Variants in RNF38 observed in about 807,000 individuals in gnomAD.
RNF38 encodes the protein E3 ubiquitin-protein ligase RNF38.
A neutral mutation model predicts 67.2 loss-of-function variants in RNF38; 15 were observed. The observed-to-expected ratio is 0.22, with a 90% CI of 0.15 to 0.34. RNF38 has a LOEUF of 0.34. Ranked by LOEUF, RNF38 falls within the 10% of genes least tolerant of loss-of-function variation. The pLI is 1.00. For missense variants in RNF38, 524 were observed against 639.9 expected (o/e 0.82, Z 1.95); for synonymous variants, 220 against 218.8 (o/e 1.01, Z -0.05).
At chr9:36,368,886 CT>C (rs397735166) in intron 4 of RNF38, among the ~76,000 whole-genome samples, 132 of 145,596 alleles carry the variant, frequency 9.1e-4, no homozygotes, top group Middle Eastern at 3.5e-3. Flanking sequence ...AGACACATGT[CT>C]TTTTTTTTTT....
chr9:36,406,618 T>C (rs1009541335), intron 2 of RNF38, among the ~76,000 whole-genome samples: 3 of 152,228 alleles, frequency 2.0e-5, no homozygotes, highest in African/African-American at 7.2e-5. Flanking sequence ...GGTTAGCACA[T>C]ACCATGTGCT....
intron 4 of RNF38, among the ~76,000 whole-genome samples, chr9:36,366,125 C>G (rs1339213997): frequency 1.3e-5 from 2 of 152,106 alleles, no homozygotes; most frequent in East Asian, 3.8e-4. Context: ...GCCAATCCAC[C>G]TGAATATACT....
rs1020447859 is a variant in RNF38, at chr9:36,369,666, A to C, written c.570+53T>G. ...CAAAAAGCCAAAAAAAAAAAATCTC[A>C]AACTGCCACAAAATTTCAGCTTCTG... On this transcript the variant is annotated intron_variant, in intron 4 of 11. Coordinates refer to ENST00000259605, the MANE Select transcript of RNF38 (RefSeq NM_022781.5). 25 of 1,436,914 alleles carry C rather than the reference A, an allele frequency of 1.7e-5. No individual in the cohort carries two copies. The African/African-American group carries it at 3.5e-4, about 20-fold the overall frequency. The allele number at this position is 1,436,914 out of a possible 1,614,324, so 89.0% of individuals were successfully genotyped here. A position where few individuals can be genotyped will look rare whatever the true frequency, so the allele number is the denominator to read the frequency against.
At chr9:36,392,353 G>A (rs1564034716) in intron 1 of RNF38, among the ~76,000 whole-genome samples, 1 of 152,180 alleles carries the variant, frequency 6.6e-6, no homozygotes, top group Non-Finnish European at 1.5e-5. Context: ...AAACATGAAT[G>A]TGCTATCCTT....
At position 36,338,796 on chromosome 9, in the gene RNF38, C is replaced by A. The variant is rs1027787039; in HGVS notation, c.*956G>T. ...ACAGGTACTTTCTGTAAGAAACTTA[C>A]TGGAAATGTAAAGGAAAAAAAAGTA... On this transcript the variant is annotated 3_prime_UTR_variant, in exon 12 of 12. Coordinates refer to ENST00000259605, the MANE Select transcript of RNF38 (RefSeq NM_022781.5). 6.6e-6 allele frequency: 1 copy of A among 152,278 alleles called. No individual in the cohort carries two copies. The highest frequency in any genetic ancestry group is 6.6e-5 in the Admixed American group (1 of 15,236). The allele number at this position is 152,278 out of a possible 1,614,324, so 9.4% of individuals were successfully genotyped here.
chr9:36,471,597 C>T (rs1839999832), intron 1 of RNF38, among the ~76,000 whole-genome samples: 1 of 152,128 alleles, frequency 6.6e-6, no homozygotes, highest in Admixed American at 6.6e-5. Flanking sequence ...CCCAGGAGTT[C>T]CAGGCCAGCC....
chr9:36,475,703 G>C (rs963884067), intron 1 of RNF38, among the ~76,000 whole-genome samples: 12 of 150,640 alleles, frequency 8.0e-5, no homozygotes, highest in Admixed American at 5.3e-4. Flanking sequence ...GTAAAATAGA[G>C]ACAGGGGTTA....
chr9:36,428,385 C>T (rs867395783), intron 1 of RNF38, among the ~76,000 whole-genome samples: 1 of 150,886 alleles, frequency 6.6e-6, no homozygotes, highest in African/African-American at 2.4e-5. Context: ...TGCACTCCAG[C>T]CTGGGCAACA....
Position 36,339,555 on chromosome 9 carries a change from G to A in RNF38, c.*197C>T, listed in dbSNP as rs529399904. On this transcript the variant is annotated 3_prime_UTR_variant, in exon 12 of 12. Coordinates refer to ENST00000259605, the MANE Select transcript of RNF38 (RefSeq NM_022781.5). ...AAAGTCTTTGGAGTTCCAATCACAC[G>A]GTTAGTATAACAATCCCATAACTGT... The A allele has an allele frequency of 7.8e-5, 39 of 501,366 alleles. No homozygotes were observed. The highest frequency in any genetic ancestry group is 1.3e-4 in the Non-Finnish European group (35 of 278,522). 31.1% of individuals were successfully genotyped at this position (501,366 alleles called of 1,614,324 possible).
intron 2 of RNF38, among the ~76,000 whole-genome samples, chr9:36,422,268 C>CA (rs1838648551): frequency 6.6e-6 from 1 of 151,502 alleles, no homozygotes; most frequent in South Asian, 2.1e-4. Flanking sequence ...CATAAAAATG[C>CA]AAAAAATTAG....
chr9:36,440,117 G>A (rs964676056), intron 1 of RNF38, among the ~76,000 whole-genome samples: 13 of 152,098 alleles, frequency 8.5e-5, no homozygotes, highest in African/African-American at 2.2e-4. Flanking sequence ...GTGGTGGCTC[G>A]TGCCCATAAT....
chr9:36,470,991 C>G (rs1463619396), intron 1 of RNF38, among the ~76,000 whole-genome samples: 2 of 152,182 alleles, frequency 1.3e-5, no homozygotes, highest in South Asian at 4.1e-4. Context: ...GTCGGCTCTT[C>G]CAGCAAATCT....
At chr9:36,485,183 C>T (rs956868509) in intron 1 of RNF38, among the ~76,000 whole-genome samples, 8 of 152,042 alleles carry the variant, frequency 5.3e-5, no homozygotes, top group African/African-American at 1.9e-4. Flanking sequence ...AACGAACAAA[C>T]AAATAAATAA....
chr9:36,399,814 G>GA (rs1476113053), intron 1 of RNF38, among the ~76,000 whole-genome samples: 6 of 151,798 alleles, frequency 4.0e-5, no homozygotes, highest in Non-Finnish European at 8.8e-5. Flanking sequence ...GTTTGCTATT[G>GA]AAAAAAATTT....
chr9:36,435,211 T>C (rs1419809520), intron 1 of RNF38, among the ~76,000 whole-genome samples: 1 of 152,194 alleles, frequency 6.6e-6, no homozygotes, highest in Non-Finnish European at 1.5e-5. Context: ...CTTTTCACTG[T>C]ATGCTTTTTC....
chr9:36,390,466 C>G lies in RNF38; in HGVS notation c.162+1G>C. The G allele has an allele frequency of 6.2e-7, 1 of 1,610,988 alleles. No individual in the cohort carries two copies. Among genetic ancestry groups the G allele is most frequent in the Non-Finnish European group, 8.5e-7 (1 of 1,178,814 alleles). ...TAGGGAAAGGGTAAATATATAAGAA[C>G]CTGGAAGAAAGCTTTGAAGTGAGCA... On this transcript the variant is annotated splice_donor_variant, in intron 2 of 11. Transcript: ENST00000259605. LOFTEE classifies it high-confidence loss of function.
chr9:36,416,742 A>ATTTTTTTTTT lies in RNF38; in HGVS notation n.312+7861_312+7870dup, dbSNP rs386414907. On this transcript the variant is annotated intron_variant and non_coding_transcript_variant, in intron 2 of 3. Transcript: ENST00000488058. ...GGCTCCTTCTTGCTGCTGCCTCGATATTTTTTTTTTTTTTTTTTTTTTTTT... is the reference window on the plus strand; with the variant it reads ...GGCTCCTTCTTGCTGCTGCCTCGATATTTTTTTTTTTTTTTTTTTTTTTTTTTTTTTTTTT... Among the ~76,000 whole-genome samples the ATTTTTTTTTT allele has an allele frequency of 3.1e-4, 20 of 63,500 alleles. 1 individual carries two copies. Among genetic ancestry groups the ATTTTTTTTTT allele is most frequent in the African/African-American group, 8.5e-4 (13 of 15,368 alleles). 41.7% of individuals were successfully genotyped at this position (63,500 alleles called of 152,430 possible).
chr9:36,433,180 A>C (rs1007367327), intron 1 of RNF38, among the ~76,000 whole-genome samples: 2 of 145,106 alleles, frequency 1.4e-5, no homozygotes, highest in Non-Finnish European at 3.0e-5. Context: ...TAATGGGTAC[A>C]AAAAAAAAAA....
intron 1 of RNF38, among the ~76,000 whole-genome samples, chr9:36,472,592 C>T (rs1362345055): frequency 6.6e-6 from 1 of 152,110 alleles, no homozygotes. Flanking sequence ...CTTAGAAGCC[C>T]ATTTTGCCAT....
Sources: gnomAD v4.1 joint callset for allele counts (sites outside exome capture counted in the v4.1 genomes callset) on GRCh38, gnomAD v4.1.1 for gene constraint, MANE v1.5 for transcripts, NCBI Gene and HGNC (gene_info 2026-07-23, HGNC 2026-07-21) for gene names.